The following PHF21B variants were observed in gnomAD, a reference collection of about 807,000 sequenced individuals.
PHF21B encodes PHD finger protein 21B.
A neutral mutation model predicts 62.2 loss-of-function variants in PHF21B; 22 were observed. That is an observed-to-expected ratio of 0.35 (90% CI 0.25 to 0.51). PHF21B has a LOEUF of 0.51. Ranked by LOEUF, PHF21B falls within the 20% of genes least tolerant of loss-of-function variation. The pLI, the probability that PHF21B is intolerant of heterozygous loss-of-function variation, is 0.97. For missense variants in PHF21B, 701 were observed against 707.9 expected (o/e 0.99, Z 0.11); for synonymous variants, 341 against 314.7 (o/e 1.08, Z -0.88).
At chr22:45,005,556 T>C (rs560029617) in intron 2 of PHF21B, among the ~76,000 whole-genome samples, 1 of 152,350 alleles carries the variant, frequency 6.6e-6, no homozygotes, top group East Asian at 1.9e-4. Context: ...TACACACTTG[T>C]CCATGTTTCT....
chr22:44,975,837 T>C, intron 2 of PHF21B, among the ~76,000 whole-genome samples: 1 of 152,250 alleles, frequency 6.6e-6, no homozygotes, highest in Non-Finnish European at 1.5e-5. Flanking sequence ...TTTGCTTCAT[T>C]TCCAGAATTT....
At chr22:44,939,336 C>T (rs1050372607) in intron 2 of PHF21B, among the ~76,000 whole-genome samples, 5 of 152,218 alleles carry the variant, frequency 3.3e-5, no homozygotes, top group African/African-American at 9.6e-5. Flanking sequence ...GGGTAGAACA[C>T]GTCTGAGCTC....
intron 2 of PHF21B, among the ~76,000 whole-genome samples, chr22:44,968,339 C>T (rs1184440647): frequency 1.3e-5 from 2 of 152,146 alleles, no homozygotes; most frequent in African/African-American, 4.8e-5. Context: ...TTGAGTATCC[C>T]TTATCCGAAA....
chr22:44,957,185 G>A (rs2072317393), intron 2 of PHF21B, among the ~76,000 whole-genome samples: 1 of 152,200 alleles, frequency 6.6e-6, no homozygotes, highest in Admixed American at 6.5e-5. Flanking sequence ...GCCTCTGCAG[G>A]GGACTGCAGT....
intron 4 of PHF21B, among the ~76,000 whole-genome samples, chr22:44,915,473 G>A (rs2071415702): frequency 6.6e-6 from 1 of 152,202 alleles, no homozygotes; most frequent in African/African-American, 2.4e-5. Flanking sequence ...GTGCCCTCCT[G>A]GGATACACCT....
chr22:44,978,530 T>C lies in PHF21B; in HGVS notation c.120+30015A>G, dbSNP rs143868196. ...ATGCGCCACCACACCTGGCTAATTT[T>C]TGTATTTTCATAGAGACAGGGTTTC... is the stretch of plus-strand genomic sequence containing the variant. On this transcript the variant is annotated intron_variant, in intron 2 of 12. Coordinates refer to ENST00000313237, the MANE Select transcript of PHF21B (RefSeq NM_138415.5). Among the ~76,000 whole-genome samples, 591 of 152,300 alleles carry C rather than the reference T, an allele frequency of 3.9e-3. 6 individuals are homozygous for C. The highest frequency in any genetic ancestry group is 0.013 in the African/African-American group (531 of 41,556).
At chr22:45,007,804 G>A (rs1270759307) in intron 2 of PHF21B, among the ~76,000 whole-genome samples, 2 of 150,984 alleles carry the variant, frequency 1.3e-5, no homozygotes, top group African/African-American at 4.9e-5. Context: ...CGCGCGGCCG[G>A]CCGGGCTCTG....
At chr22:44,954,763 C>G (rs962717208) in intron 2 of PHF21B, among the ~76,000 whole-genome samples, 4 of 152,230 alleles carry the variant, frequency 2.6e-5, no homozygotes, top group African/African-American at 9.6e-5. Flanking sequence ...CTTGATGCAC[C>G]TGAGTCCTTC....
At chr22:44,961,561 C>G (rs1266500901) in intron 2 of PHF21B, among the ~76,000 whole-genome samples, 1 of 152,104 alleles carries the variant, frequency 6.6e-6, no homozygotes, top group East Asian at 1.9e-4. Flanking sequence ...GGCCTACAGG[C>G]TGGGCGTGGT....
chr22:44,896,121 C>T (rs761454381), intron 5 of PHF21B, 38 bp from the exon 6 acceptor site: 15 of 1,610,886 alleles, frequency 9.3e-6, no homozygotes, highest in South Asian at 5.5e-5. Context: ...TTAACACAAC[C>T]GTCAAAGTTC....
At chr22:44,976,918 G>A (rs1022410802) in intron 2 of PHF21B, among the ~76,000 whole-genome samples, 1 of 152,174 alleles carries the variant, frequency 6.6e-6, no homozygotes, top group African/African-American at 2.4e-5. Context: ...TGTGAGGACC[G>A]CTTGAGCCCA....
chr22:44,989,278 G>A (rs994603790), intron 2 of PHF21B: 9 of 152,282 alleles, frequency 5.9e-5, no homozygotes, highest in Admixed American at 2.0e-4. Context: ...TGCTGTGCGA[G>A]TGATGAGAAG....
At chr22:44,957,264 G>A (rs554910770) in intron 2 of PHF21B, among the ~76,000 whole-genome samples, 35 of 152,236 alleles carry the variant, frequency 2.3e-4, no homozygotes, top group Non-Finnish European at 3.8e-4. Context: ...GGCACCGGAC[G>A]GTGCACTTTA....
chr22:44,957,243 T>C (rs1045477315), intron 2 of PHF21B, among the ~76,000 whole-genome samples: 1 of 152,232 alleles, frequency 6.6e-6, no homozygotes, highest in Non-Finnish European at 1.5e-5. Flanking sequence ...TCACCCAGCC[T>C]CAGAGGGTCA....
intron 2 of PHF21B, among the ~76,000 whole-genome samples, chr22:44,937,285 A>G (rs2147354296): frequency 6.6e-6 from 1 of 152,352 alleles, no homozygotes; most frequent in East Asian, 1.9e-4. Flanking sequence ...GACTACGAGA[A>G]AGCCTTGAAG....
chr22:44,958,543 G>A (rs1298992706), intron 2 of PHF21B, among the ~76,000 whole-genome samples: 8 of 148,352 alleles, frequency 5.4e-5, no homozygotes, highest in South Asian at 2.1e-4. Context: ...TTCCATTAGC[G>A]TCCTATTCTA....
chr22:44,884,916 C>G (rs5766166), intron 12 of PHF21B, among the ~76,000 whole-genome samples: 42,650 of 151,942 alleles, frequency 0.28, 6,485 homozygotes, highest in East Asian at 0.62. Context: ...CCACAACCAT[C>G]ATCTTCATTA....
intron 10 of PHF21B, among the ~76,000 whole-genome samples, chr22:44,886,528 A>C (rs1313683359): frequency 2.6e-5 from 4 of 152,048 alleles, no homozygotes; most frequent in Non-Finnish European, 5.9e-5. Flanking sequence ...CTCTACAAAA[A>C]ATTAAAAAAT....
chr22:44,933,634 G>T (rs572289305), intron 2 of PHF21B: 8 of 662,724 alleles, frequency 1.2e-5, no homozygotes, highest in Non-Finnish European at 1.5e-5. Flanking sequence ...TGGGGGAGCC[G>T]TCTGAGGTTG....
Sources: gnomAD v4.1 joint callset for allele counts (sites outside exome capture counted in the v4.1 genomes callset) on GRCh38, gnomAD v4.1.1 for gene constraint, MANE v1.5 for transcripts, NCBI Gene and HGNC (gene_info 2026-07-23, HGNC 2026-07-21) for gene names.